The following YTHDC2 variants were observed in gnomAD, a reference collection of about 807,000 sequenced individuals.
YTHDC2 encodes 3'-5' RNA helicase YTHDC2.
Under a neutral mutation model 174.9 loss-of-function variants are expected in YTHDC2, and 45 were observed. That is an observed-to-expected ratio of 0.26 (90% CI 0.20 to 0.33). The LOEUF is 0.33. Ranked by LOEUF, YTHDC2 falls within the 10% of genes least tolerant of loss-of-function variation. The pLI is 1.00. For synonymous variants in YTHDC2, 657 were observed against 574.5 expected, an observed-to-expected ratio of 1.14 and a Z score of -2.05; for missense variants, 1,650 against 1,723.7, an observed-to-expected ratio of 0.96 and a Z score of 0.76.
intron 10 of YTHDC2, 130 bp downstream of exon 10, chr5:113,542,633 A>G: frequency 1.4e-6 from 1 of 739,542 alleles, no homozygotes; most frequent in Non-Finnish European, 2.0e-6. Context: ...TATTTATTTT[A>G]TTTCAAATGT....
chr5:113,553,364 A>T lies in YTHDC2; in HGVS notation c.1867+5A>T. On this transcript the variant is annotated splice_donor_5th_base_variant and intron_variant, in intron 13 of 29. Transcript: ENST00000161863. ...TCTGCCATAGTTGTGATGCTGGTAA[A>T]TACGTGTTGTCTAAAAGAACTGGAG... 1 of 1,590,270 alleles carries T rather than the reference A, an allele frequency of 6.3e-7. No individual in the cohort carries two copies. The highest frequency in any genetic ancestry group is 1.2e-5 in the South Asian group (1 of 86,106).
At chr5:113,532,571 C>T (rs1774746815) in intron 4 of YTHDC2, among the ~76,000 whole-genome samples, 1 of 152,070 alleles carries the variant, frequency 6.6e-6, no homozygotes, top group Non-Finnish European at 1.5e-5. Context: ...ATGAATATGG[C>T]ATATTTTCTT....
At chr5:113,520,362 A>G (rs1288916498) in intron 2 of YTHDC2, among the ~76,000 whole-genome samples, 1 of 152,232 alleles carries the variant, frequency 6.6e-6, no homozygotes, top group Non-Finnish European at 1.5e-5. Context: ...TCAGATAAAG[A>G]AGATATTAGA....
At chr5:113,592,251 G>T in intron 28 of YTHDC2, 73 bp downstream of exon 28, 1 of 1,401,600 alleles carries the variant, frequency 7.1e-7, no homozygotes, top group Non-Finnish European at 9.5e-7. Flanking sequence ...CTTTAATTGA[G>T]GAGAAAATGT....
intron 23 of YTHDC2, 125 bp downstream of exon 23, chr5:113,567,974 G>C: frequency 1.5e-6 from 1 of 667,856 alleles, no homozygotes. Flanking sequence ...GCTCTATTTT[G>C]ATGTACTAAG....
At position 113,553,242 on chromosome 5, in the gene YTHDC2, C is replaced by A; in HGVS notation, c.1750C>A (p.Leu584Ile). 6.2e-7 allele frequency: 1 copy of A among 1,602,512 alleles called. No homozygotes were observed. Among genetic ancestry groups the A allele is most frequent in the South Asian group, 1.1e-5 (1 of 89,828 alleles). The change falls in exon 13 of 30, where the codon CTC becomes ATC. Residue 584 changes from leucine (L) to isoleucine (I), a missense_variant. This residue lies in a region of YTHDC2 where 411 missense variants were observed against 380.6 expected (regional missense o/e 1.08). Transcript: ENST00000161863. ...TCTGGTTCAAACAAATGGAAGTGAC[C>A]TCAGTGCTGAAGACAGAGAGCTCCT... ...SSLVQTNGSDLSAEDRELLKA... is the reference protein window; with the variant it reads ...SSLVQTNGSDISAEDRELLKA...
At chr5:113,554,487 A>C (rs1776469887) in intron 16 of YTHDC2, among the ~76,000 whole-genome samples, 1 of 152,066 alleles carries the variant, frequency 6.6e-6, no homozygotes, top group Non-Finnish European at 1.5e-5. Context: ...AAAGATACTC[A>C]GTTCAAGAGA....
chr5:113,553,252 A>G lies in YTHDC2; in HGVS notation c.1760A>G (p.Glu587Gly), dbSNP rs201486206. 1 of 1,608,178 alleles carries G rather than the reference A, an allele frequency of 6.2e-7. No homozygotes were observed. The highest frequency in any genetic ancestry group is 8.5e-7 in the Non-Finnish European group (1 of 1,177,370). ...ACAAATGGAAGTGACCTCAGTGCTGAAGACAGAGAGCTCCTGAAAGCTTAT... is the reference window on the plus strand; with the variant it reads ...ACAAATGGAAGTGACCTCAGTGCTGGAGACAGAGAGCTCCTGAAAGCTTAT... Reference protein sequence around the residue: ...VQTNGSDLSAEDRELLKAYHH... With the variant: ...VQTNGSDLSAGDRELLKAYHH... The change falls in exon 13 of 30, where the codon GAA becomes GGA. Residue 587 changes from glutamate to glycine, a missense_variant. Physicochemically the swap from Glu to Gly is moderately conservative, Grantham distance 98. Coordinates refer to ENST00000161863, the MANE Select transcript of YTHDC2 (RefSeq NM_022828.5).
At chr5:113,521,712 C>T (rs1280592274) in intron 2 of YTHDC2, among the ~76,000 whole-genome samples, 2 of 132,264 alleles carry the variant, frequency 1.5e-5, no homozygotes, top group Non-Finnish European at 3.1e-5. Flanking sequence ...GCCTGGGTAG[C>T]AAAGCAAGAC....
chr5:113,533,131 TGAAAAGTTA>T, intron 5 of YTHDC2, 86 bp downstream of exon 5: 1 of 1,467,090 alleles, frequency 6.8e-7, no homozygotes, highest in South Asian at 1.3e-5. Flanking sequence ...ATGTGTTCGT[TGAAAAGTTA>T]GGTGATCATT....
Position 113,532,903 on chromosome 5 carries a change from T to C in YTHDC2, c.700T>C (p.Cys234Arg). Residue 234 changes from cysteine (C) to arginine (R), a missense_variant, in exon 5 of 30, where the codon TGC becomes CGC. Physicochemically the swap from Cys to Arg is radical, Grantham distance 180 (BLOSUM62 -3). Around this residue, in one of 5 missense-constraint regions of YTHDC2, gnomAD observed 304 missense variants for 341.4 expected, o/e 0.89. Coordinates refer to ENST00000161863, the MANE Select transcript of YTHDC2 (RefSeq NM_022828.5). Reference protein sequence around the residue: ...TQIPQFLLDDCFKNGIPCRIF... With the variant: ...TQIPQFLLDDRFKNGIPCRIF... Reference sequence around the variant, plus strand: ...GATTCCTCAGTTCCTTTTAGATGATTGCTTTAAAAATGGTATCCCCTGCCG... The same window carrying C: ...GATTCCTCAGTTCCTTTTAGATGATCGCTTTAAAAATGGTATCCCCTGCCG... The C allele has an allele frequency of 6.2e-7, 1 of 1,613,252 alleles. No homozygotes were observed. The highest frequency in any genetic ancestry group is 8.5e-7 in the Non-Finnish European group (1 of 1,179,508).
chr5:113,567,030 A>G, intron 21 of YTHDC2, 62 bp from the exon 22 acceptor site: 1 of 1,519,606 alleles, frequency 6.6e-7, no homozygotes, highest in African/African-American at 1.4e-5. Context: ...AGTTTTTGGA[A>G]AAAATACACA....
Position 113,563,912 on chromosome 5 carries a change from G to T in YTHDC2, c.2496G>T (p.Leu832Phe), listed in dbSNP as rs1357383775. Residue 832 changes from leucine to phenylalanine, a missense_variant, in exon 20 of 30, where the codon TTG becomes TTT. Coordinates refer to ENST00000161863, the MANE Select transcript of YTHDC2 (RefSeq NM_022828.5). ...WEDLTELGYH[L>F]ADLPVEPHLG... The stretch of plus-strand genomic sequence containing the variant: ...ATCTGACTGAACTTGGGTATCATTT[G>T]GCTGACTTGCCAGTAGAACCACATC... The T allele has an allele frequency of 6.2e-7, 1 of 1,614,140 alleles. No individual in the cohort carries two copies.
rs1580605082 is a variant in YTHDC2 at position 113,567,235 on chromosome 5, C to T, written c.2986C>T (p.Pro996Ser). ...VDRENLVLTG[P>S]KEKKVRFHPA... ...CAGAGAGAATCTAGTGTTGACAGGG[C>T]CAAAGGAGAAAAAAGTACGATTTCA... The change falls in exon 22 of 30, where the codon CCA becomes TCA. Residue 996 changes from proline (P) to serine (S), a missense_variant. Physicochemically the swap from Pro to Ser is moderately conservative, Grantham distance 74. Coordinates refer to ENST00000161863, the MANE Select transcript of YTHDC2 (RefSeq NM_022828.5). 1 of 1,612,332 alleles carries T rather than the reference C, an allele frequency of 6.2e-7. No homozygotes were observed. Among genetic ancestry groups the T allele is most frequent in the Non-Finnish European group, 8.5e-7 (1 of 1,179,492 alleles).
At chr5:113,534,503 T>C in intron 6 of YTHDC2, 96 bp downstream of exon 6, 1 of 1,057,088 alleles carries the variant, frequency 9.5e-7, no homozygotes, top group South Asian at 1.5e-5. Context: ...TTTAAATACA[T>C]AATTACATTT....
chr5:113,543,842 A>G (rs1775651302), intron 10 of YTHDC2, among the ~76,000 whole-genome samples: 1 of 152,198 alleles, frequency 6.6e-6, no homozygotes, highest in Admixed American at 6.5e-5. Context: ...TGCCTAGAAT[A>G]CTATCTCCAC....
chr5:113,545,727 C>CTT (rs1561654277), intron 10 of YTHDC2, among the ~76,000 whole-genome samples: 1 of 80,366 alleles, frequency 1.2e-5, no homozygotes, highest in African/African-American at 1.0e-4. Context: ...AATTGATCTC[C>CTT]ATTTTTTTTT....
At chr5:113,561,477 T>TTTA (rs1776967554) in intron 18 of YTHDC2, among the ~76,000 whole-genome samples, 1 of 148,718 alleles carries the variant, frequency 6.7e-6, no homozygotes, top group African/African-American at 2.5e-5. Context: ...ATCTATATTT[T>TTTA]TTTTTTTTTG....
At chr5:113,577,671 C>G (rs1778141977) in intron 23 of YTHDC2, among the ~76,000 whole-genome samples, 1 of 152,078 alleles carries the variant, frequency 6.6e-6, no homozygotes, top group Non-Finnish European at 1.5e-5. Flanking sequence ...CACCTGGCCT[C>G]TTTTGTATAT....
Sources: gnomAD v4.1 joint callset for allele counts (sites outside exome capture counted in the v4.1 genomes callset) on GRCh38, gnomAD v4.1.1 for gene constraint, gnomAD v4.1.1 regional missense constraint, MANE v1.5 for transcripts, NCBI Gene and HGNC (gene_info 2026-07-23, HGNC 2026-07-21) for gene names.